Variants in PARP8 observed in about 807,000 individuals in gnomAD.
PARP8 encodes protein mono-ADP-ribosyltransferase PARP8.
A neutral mutation model predicts 124.1 loss-of-function variants in PARP8; 51 were observed. That is an observed-to-expected ratio of 0.41 (90% CI 0.33 to 0.52). PARP8 has a LOEUF of 0.52. Ranked by LOEUF, PARP8 falls within the 20% of genes least tolerant of loss-of-function variation. The probability of loss-of-function intolerance (pLI) is 0.21; values close to 1 mark genes in which losing one functional copy is unlikely to be tolerated. For synonymous variants in PARP8, 391 were observed against 361.5 expected (o/e 1.08, Z -0.93); for missense variants, 860 against 1,018.9 (o/e 0.84, Z 2.12).
In PARP8 at chr5:50,840,195, A is replaced by G. The variant is rs538298052; in HGVS notation, c.2463-1771A>G. ...TGGTGAAGTCAATGTTCTCTATTCT[A>G]TTCTATTCTGTTTGATTCGATTCGA... On this transcript the variant is annotated intron_variant, in intron 25 of 25. Coordinates refer to ENST00000281631, the MANE Select transcript of PARP8 (RefSeq NM_024615.4). Among the ~76,000 whole-genome samples the G allele has an allele frequency of 2.0e-5, 3 of 152,028 alleles. No individual in the cohort carries two copies. The East Asian group carries it at 5.8e-4, about 29-fold the overall frequency.
At chr5:50,814,848 A>G (rs1744911485) in intron 14 of PARP8, among the ~76,000 whole-genome samples, 1 of 152,198 alleles carries the variant, frequency 6.6e-6, no homozygotes, top group African/African-American at 2.4e-5. Flanking sequence ...GAGCTCTTCC[A>G]AAGTAATTGC....
intron 14 of PARP8, among the ~76,000 whole-genome samples, chr5:50,807,227 G>A (rs1743950682): frequency 6.6e-6 from 1 of 151,868 alleles, no homozygotes; most frequent in Admixed American, 6.6e-5. Flanking sequence ...CGCACTCTCT[G>A]CAATACAGGG....
At chr5:50,693,766 A>G (rs1240176111) in intron 2 of PARP8, among the ~76,000 whole-genome samples, 1 of 151,510 alleles carries the variant, frequency 6.6e-6, no homozygotes, top group East Asian at 1.9e-4. Flanking sequence ...TAATTAAGCT[A>G]TGTGGATTAA....
intron 7 of PARP8, among the ~76,000 whole-genome samples, chr5:50,767,138 C>A (rs747485690): frequency 1.3e-5 from 2 of 152,044 alleles, no homozygotes; most frequent in African/African-American, 4.8e-5. Flanking sequence ...CCCTTAGTGA[C>A]GACAGTGAGC....
chr5:50,694,836 C>T (rs1422720640), intron 2 of PARP8, among the ~76,000 whole-genome samples: 2 of 152,192 alleles, frequency 1.3e-5, no homozygotes, highest in East Asian at 3.8e-4. Context: ...AGCCTTCAGT[C>T]TGTGCCTGAA....
At chr5:50,708,082 C>T (rs1754349888) in intron 2 of PARP8, among the ~76,000 whole-genome samples, 1 of 151,820 alleles carries the variant, frequency 6.6e-6, no homozygotes, top group African/African-American at 2.4e-5. Context: ...TCATTTTTCC[C>T]ATTAGCTTGT....
chr5:50,672,664 A>C (rs1750163539), intron 2 of PARP8, among the ~76,000 whole-genome samples: 1 of 152,188 alleles, frequency 6.6e-6, no homozygotes. Context: ...AAGGGTAATT[A>C]ATTCAGTTGA....
At chr5:50,748,950 A>G (rs1040622548) in intron 2 of PARP8, among the ~76,000 whole-genome samples, 1 of 152,148 alleles carries the variant, frequency 6.6e-6, no homozygotes, top group Non-Finnish European at 1.5e-5. Context: ...CTAAAACTCT[A>G]ATATACAAAT....
At chr5:50,828,127 C>A (rs1746546671) in intron 20 of PARP8, 71 bp downstream of exon 20, 2 of 1,216,792 alleles carry the variant, frequency 1.6e-6, no homozygotes, top group African/African-American at 1.5e-5. Flanking sequence ...GGGAAGATAT[C>A]ACTGTCTTTC....
chr5:50,808,721 G>A lies in PARP8; in HGVS notation c.1576-6711G>A, dbSNP rs147601541. ...GTTCCCAAACTTAACTTTCCCTTTGGCATAGTGAGTTTGGGAGTCCCAAGA... is the reference window on the plus strand; with the variant it reads ...GTTCCCAAACTTAACTTTCCCTTTGACATAGTGAGTTTGGGAGTCCCAAGA... On this transcript the variant is annotated intron_variant, in intron 14 of 25. Coordinates refer to ENST00000281631, the MANE Select transcript of PARP8 (RefSeq NM_024615.4). Among the ~76,000 whole-genome samples, 877 of 152,098 alleles carry A rather than the reference G, an allele frequency of 5.8e-3. 6 individuals carry two copies. The highest frequency in any genetic ancestry group is 5.8e-3 in the Non-Finnish European group (395 of 67,970).
chr5:50,719,089 C>T (rs1178442954), intron 2 of PARP8, among the ~76,000 whole-genome samples: 1 of 151,916 alleles, frequency 6.6e-6, no homozygotes, highest in African/African-American at 2.4e-5. Context: ...TTTCACATAC[C>T]TTTTGGCCAT....
At chr5:50,714,787 C>G (rs1347923469) in intron 2 of PARP8, among the ~76,000 whole-genome samples, 1 of 152,066 alleles carries the variant, frequency 6.6e-6, no homozygotes, top group Non-Finnish European at 1.5e-5. Context: ...TAGCCTCCCT[C>G]CTGCAGCTGA....
In PARP8 at chr5:50,842,102, C is replaced by G. The variant is rs773341953; in HGVS notation, c.*34C>G. The G allele has an allele frequency of 6.9e-7, 1 of 1,449,276 alleles. No homozygotes were observed. Among genetic ancestry groups the G allele is most frequent in the South Asian group, 1.2e-5 (1 of 82,536 alleles). The allele number at this position is 1,449,276 out of a possible 1,614,324, so 89.8% of individuals were successfully genotyped here. ...CATTTAATTAACATGATTCGAAAGC[C>G]TTCCTCGGGTTCAAAGCTGGATTTT... On this transcript the variant is annotated 3_prime_UTR_variant, in exon 26 of 26. Transcript: ENST00000281631.
chr5:50,687,477 C>G (rs1751997246), intron 2 of PARP8, among the ~76,000 whole-genome samples: 1 of 152,124 alleles, frequency 6.6e-6, no homozygotes, highest in African/African-American at 2.4e-5. Context: ...TGCCTGTTAC[C>G]CAGTTTCAAA....
At chr5:50,780,031 T>G (rs770018937) in intron 9 of PARP8, among the ~76,000 whole-genome samples, 4 of 152,210 alleles carry the variant, frequency 2.6e-5, no homozygotes, top group Admixed American at 6.5e-5. Flanking sequence ...GAAAAGGAAT[T>G]TCTCATAATT....
At position 50,843,984 on chromosome 5, in the gene PARP8, C is replaced by T. The variant is rs927773457; in HGVS notation, c.*1916C>T. The T allele has an allele frequency of 6.6e-6, 1 of 151,774 alleles. No homozygotes were observed. The highest frequency in any genetic ancestry group is 2.4e-5 in the African/African-American group (1 of 41,378). The allele number at this position is 151,774 out of a possible 1,614,324, so 9.4% of individuals were successfully genotyped here. On this transcript the variant is annotated 3_prime_UTR_variant, in exon 26 of 26. Coordinates refer to ENST00000281631, the MANE Select transcript of PARP8 (RefSeq NM_024615.4). ...CACCTCCAATAAGCTCTGTAGAGTG[C>T]CTCCAGCATAATTCAAAATCCACTG... is the stretch of plus-strand genomic sequence containing the variant.
chr5:50,802,308 T>C (rs1743314708), intron 14 of PARP8, among the ~76,000 whole-genome samples: 3 of 152,146 alleles, frequency 2.0e-5, no homozygotes, highest in African/African-American at 4.8e-5. Context: ...TTTGGATTAA[T>C]ACCAACTTGA....
Position 50,806,376 on chromosome 5 carries a change from G to T in PARP8, c.1576-9056G>T, listed in dbSNP as rs544865180. Among the ~76,000 whole-genome samples, 7 of 151,974 alleles carry T rather than the reference G, an allele frequency of 4.6e-5. No homozygotes were observed. The South Asian group carries it at 1.0e-3, about 23-fold the overall frequency. On this transcript the variant is annotated intron_variant, in intron 14 of 25. Coordinates refer to ENST00000281631, the MANE Select transcript of PARP8 (RefSeq NM_024615.4). Reference sequence around the variant, plus strand: ...GGAGTTCACTGTTTGTGGTTTAATTGTGGGCAATTCATTCCTATAGTAAGT... The same window carrying T: ...GGAGTTCACTGTTTGTGGTTTAATTTTGGGCAATTCATTCCTATAGTAAGT...
chr5:50,738,326 A>G (rs915852469), intron 2 of PARP8, among the ~76,000 whole-genome samples: 33 of 152,344 alleles, frequency 2.2e-4, no homozygotes, highest in Admixed American at 1.9e-3. Flanking sequence ...GTTTTTTCTT[A>G]TGTAATGTAT....
Sources: gnomAD v4.1 joint callset for allele counts (sites outside exome capture counted in the v4.1 genomes callset) on GRCh38, gnomAD v4.1.1 for gene constraint, MANE v1.5 for transcripts, NCBI Gene and HGNC (gene_info 2026-07-23, HGNC 2026-07-21) for gene names.